EFCAB13: variants seen among roughly 807,000 people sequenced by gnomAD.
EFCAB13 encodes the protein EF-hand calcium binding domain 13.
A neutral mutation model predicts 110.2 loss-of-function variants in EFCAB13; 91 were observed. That is an observed-to-expected ratio of 0.83 (90% CI 0.70 to 0.98). The LOEUF (loss-of-function observed/expected upper bound fraction) is 0.98, where lower values mean the gene tolerates loss of function less well. Ranked by LOEUF, EFCAB13 falls within the 50% of genes least tolerant of loss-of-function variation. The probability of loss-of-function intolerance (pLI) is 0.00; values close to 1 mark genes in which losing one functional copy is unlikely to be tolerated. For synonymous variants in EFCAB13, 323 were observed against 369.9 expected (o/e 0.87, Z 1.45); for missense variants, 968 against 1,119.4 (o/e 0.86, Z 1.93).
rs200149627 is a variant in EFCAB13, at chr17:47,377,892, C to T, written c.1499C>T (p.Thr500Ile). The change falls in exon 13 of 25, where the codon ACT becomes ATT. Residue 500 changes from threonine (T) to isoleucine (I), a missense_variant. Physicochemically the swap from Thr to Ile is moderately conservative, Grantham distance 89 (BLOSUM62 -1). Coordinates refer to ENST00000331493, the MANE Select transcript of EFCAB13 (RefSeq NM_152347.5). ...DEEFQKIVTD[T>I]SRNENGMVEL... The stretch of plus-strand genomic sequence containing the variant: ...GAATTCCAGAAGATTGTGACAGACA[C>T]TAGTAGAAATGGTGAGAGACTGATA... The T allele has an allele frequency of 9.5e-6, 15 of 1,586,460 alleles. No individual in the cohort carries two copies. Among genetic ancestry groups the T allele is most frequent in the Middle Eastern group, 3.3e-4 (2 of 6,012 alleles).
chr17:47,430,056 T>G, intron 24 of EFCAB13, 95 bp downstream of exon 24: 1 of 1,408,972 alleles, frequency 7.1e-7, no homozygotes, highest in Non-Finnish European at 9.3e-7. Context: ...GAGGGTATCC[T>G]GTGGAAGCTG....
At chr17:47,381,282 A>C (rs188863307) in intron 14 of EFCAB13, among the ~76,000 whole-genome samples, 57 of 151,550 alleles carry the variant, frequency 3.8e-4, no homozygotes, top group African/African-American at 1.4e-3. Flanking sequence ...GGTTGCAAAA[A>C]TTTTCTCCCA....
intron 9 of EFCAB13, among the ~76,000 whole-genome samples, chr17:47,351,882 C>T (rs2065455301): frequency 6.7e-6 from 1 of 148,278 alleles, no homozygotes; most frequent in African/African-American, 2.5e-5. Flanking sequence ...TAAGAGTTTT[C>T]CTTGGGTTTT....
At chr17:47,380,191 A>G (rs1187983866) in intron 14 of EFCAB13, among the ~76,000 whole-genome samples, 1 of 152,150 alleles carries the variant, frequency 6.6e-6, no homozygotes, top group Non-Finnish European at 1.5e-5. Context: ...TCAACCCATC[A>G]TCTACATTAG....
chr17:47,425,283 GA>G (rs1180402697), intron 23 of EFCAB13, among the ~76,000 whole-genome samples: 5 of 152,146 alleles, frequency 3.3e-5, no homozygotes, highest in African/African-American at 1.2e-4. Context: ...CACAGAAGAC[GA>G]CTTTGATCCA....
chr17:47,353,086 G>C (rs1198664758), intron 9 of EFCAB13, among the ~76,000 whole-genome samples: 1 of 151,836 alleles, frequency 6.6e-6, no homozygotes, highest in Non-Finnish European at 1.5e-5. Context: ...TCTCTTGCCT[G>C]ATTGCTCTGG....
intron 11 of EFCAB13, among the ~76,000 whole-genome samples, chr17:47,373,424 G>C (rs1026752905): frequency 8.6e-5 from 13 of 152,034 alleles, no homozygotes; most frequent in Admixed American, 6.6e-5. Flanking sequence ...GGAAGTTTCT[G>C]TATCTTCATT....
intron 24 of EFCAB13, chr17:47,430,540 T>G (rs1905094806): frequency 6.6e-6 from 1 of 151,960 alleles, no homozygotes; most frequent in African/African-American, 2.4e-5. Context: ...GGGCCAAGAG[T>G]TTTTTTGTGA....
chr17:47,395,846 C>T lies in EFCAB13; in HGVS notation c.1814C>T (p.Ala605Val), dbSNP rs765946427. The T allele has an allele frequency of 1.9e-6, 3 of 1,606,970 alleles. No homozygotes were observed. The highest frequency in any genetic ancestry group is 1.7e-5 in the Admixed American group (1 of 59,678). The change falls in exon 17 of 25, where the codon GCT becomes GTT. Residue 605 changes from alanine (A) to valine (V), a missense_variant. By Grantham distance (64) the Ala-to-Val change is moderately conservative. Coordinates refer to ENST00000331493, the MANE Select transcript of EFCAB13 (RefSeq NM_152347.5). Reference protein sequence around the residue: ...CFSEKLVLPDAIETLDDLRKE... With the variant: ...CFSEKLVLPDVIETLDDLRKE... Reference sequence around the variant, plus strand: ...ATCTACCCTTTAGTATTGCCTGATGCTATTGAAACCCTCGACGATCTCAGA... The same window carrying T: ...ATCTACCCTTTAGTATTGCCTGATGTTATTGAAACCCTCGACGATCTCAGA...
intron 4 of EFCAB13, among the ~76,000 whole-genome samples, chr17:47,329,345 G>A (rs1450401527): frequency 6.6e-6 from 1 of 152,004 alleles, no homozygotes; most frequent in Non-Finnish European, 1.5e-5. Context: ...GGGCTCAAGT[G>A]AAATTCAGCA....
intron 10 of EFCAB13, among the ~76,000 whole-genome samples, chr17:47,367,353 A>G (rs920702888): frequency 1.3e-5 from 2 of 152,216 alleles, no homozygotes; most frequent in East Asian, 1.9e-4. Flanking sequence ...AAATGATACT[A>G]TTCTTTAATT....
intron 8 of EFCAB13, among the ~76,000 whole-genome samples, chr17:47,346,638 G>A (rs1458357927): frequency 6.6e-6 from 1 of 151,988 alleles, no homozygotes; most frequent in Non-Finnish European, 1.5e-5. Flanking sequence ...GAGTTAGTAA[G>A]GGCTGTTGGG....
At chr17:47,329,234 T>TA (rs2065305824) in intron 4 of EFCAB13, among the ~76,000 whole-genome samples, 1 of 151,958 alleles carries the variant, frequency 6.6e-6, no homozygotes, top group African/African-American at 2.4e-5. Context: ...TCCAGAGTCT[T>TA]ACCTAAGTCA....
intron 11 of EFCAB13, among the ~76,000 whole-genome samples, chr17:47,370,744 T>TGG (rs2065578132): frequency 6.8e-6 from 1 of 147,934 alleles, no homozygotes; most frequent in Non-Finnish European, 1.5e-5. Flanking sequence ...GTTTGTTTTT[T>TGG]TTTTTTTTTT....
At chr17:47,347,601 C>T (rs1476967924) in intron 8 of EFCAB13, among the ~76,000 whole-genome samples, 1 of 152,064 alleles carries the variant, frequency 6.6e-6, no homozygotes, top group East Asian at 1.9e-4. Context: ...ACTTGTCTGA[C>T]AGTTTCTGAA....
At chr17:47,337,639 A>C (rs1364206977) in intron 5 of EFCAB13, among the ~76,000 whole-genome samples, 2 of 152,168 alleles carry the variant, frequency 1.3e-5, no homozygotes, top group Non-Finnish European at 2.9e-5. Context: ...AATTAATATA[A>C]GTAGAGAGTT....
chr17:47,330,884 T>A (rs1205681880), intron 4 of EFCAB13, among the ~76,000 whole-genome samples: 1 of 152,158 alleles, frequency 6.6e-6, no homozygotes, highest in East Asian at 1.9e-4. Context: ...CCATACTGTT[T>A]TCTGTGGAAA....
In EFCAB13 at chr17:47,395,918, T is replaced by G. The variant is rs1296874296; in HGVS notation, c.1886T>G (p.Leu629Trp). 2.0e-5 allele frequency: 33 copies of G among 1,610,714 alleles called. No individual in the cohort carries two copies. The highest frequency in any genetic ancestry group is 2.6e-5 in the Non-Finnish European group (31 of 1,177,704). Residue 629 changes from leucine (L) to tryptophan (W), a missense_variant, in exon 17 of 25, where the codon TTG becomes TGG. Coordinates refer to ENST00000331493, the MANE Select transcript of EFCAB13 (RefSeq NM_152347.5). Reference sequence around the variant, plus strand: ...GACCTGTGGAATACTCTGTCTAGTTTGAATAGTAATTTAAAAAAGGATGAA... The same window carrying G: ...GACCTGTGGAATACTCTGTCTAGTTGGAATAGTAATTTAAAAAAGGATGAA... ...VSDLWNTLSS[L>W]NSNLKKDEFL...
Position 47,440,810 on chromosome 17 carries a change from C to T in EFCAB13, c.*96C>T. The T allele has an allele frequency of 9.2e-7, 1 of 1,091,652 alleles. No individual in the cohort carries two copies. The highest frequency in any genetic ancestry group is 1.3e-6 in the Non-Finnish European group (1 of 795,220). 67.6% of individuals were successfully genotyped at this position (1,091,652 alleles called of 1,614,324 possible). Reference sequence around the variant, plus strand: ...AATTATTAGAAAATAATTTTTAAAACTTTTGACAAATCCAGTAGAATTTTT... The same window carrying T: ...AATTATTAGAAAATAATTTTTAAAATTTTTGACAAATCCAGTAGAATTTTT... On this transcript the variant is annotated 3_prime_UTR_variant, in exon 25 of 25. Coordinates refer to ENST00000331493, the MANE Select transcript of EFCAB13 (RefSeq NM_152347.5).
Sources: gnomAD v4.1 joint callset for allele counts (sites outside exome capture counted in the v4.1 genomes callset) on GRCh38, gnomAD v4.1.1 for gene constraint, MANE v1.5 for transcripts, NCBI Gene and HGNC (gene_info 2026-07-23, HGNC 2026-07-21) for gene names.